Variants in PDE7B observed in about 807,000 individuals in gnomAD.
The protein encoded by PDE7B is 3',5'-cyclic-AMP phosphodiesterase 7B.
A neutral mutation model predicts 56.2 loss-of-function variants in PDE7B; 29 were observed. That is an observed-to-expected ratio of 0.52 (90% CI 0.38 to 0.70). PDE7B has a LOEUF of 0.70. Ranked by LOEUF, PDE7B falls within the 30% of genes least tolerant of loss-of-function variation. PDE7B has a pLI of 0.00. For missense variants in PDE7B, 490 were observed against 565.0 expected, an observed-to-expected ratio of 0.87 and a Z score of 1.35; for synonymous variants, 197 against 196.9, an observed-to-expected ratio of 1.00 and a Z score of 0.00.
chr6:135,871,719 AT>A (rs1335503388), intron 1 of PDE7B, among the ~76,000 whole-genome samples: 2 of 152,116 alleles, frequency 1.3e-5, no homozygotes, highest in African/African-American at 2.4e-5. Context: ...GTTTTCTTTC[AT>A]TTTATATTGG....
intron 3 of PDE7B, among the ~76,000 whole-genome samples, chr6:136,135,429 A>C (rs932001651): frequency 6.6e-6 from 1 of 152,040 alleles, no homozygotes; most frequent in African/African-American, 2.4e-5. Flanking sequence ...AAATGTTAAG[A>C]AATTTGTTTT....
At chr6:136,071,816 A>T (rs564910236) in intron 2 of PDE7B, among the ~76,000 whole-genome samples, 2 of 152,340 alleles carry the variant, frequency 1.3e-5, no homozygotes, top group South Asian at 4.1e-4. Flanking sequence ...TGAGTGCAGC[A>T]TTCTAATGTT....
chr6:136,145,592 A>G lies in PDE7B; in HGVS notation c.167-1759A>G, dbSNP rs548462710. 4.6e-5 allele frequency among the ~76,000 whole-genome samples: 7 copies of G among 152,306 alleles called. No homozygotes were observed. The East Asian group carries it at 1.3e-3, about 29-fold the overall frequency. On this transcript the variant is annotated intron_variant, in intron 3 of 12. Coordinates refer to ENST00000308191, the MANE Select transcript of PDE7B (RefSeq NM_018945.4). ...TACAATGTGCTCAAGTACTGTGAAT[A>G]GTTCATGGCCAACTCTCAGTCTTCA...
At chr6:136,045,102 TTCTA>T (rs1161311089) in intron 2 of PDE7B, among the ~76,000 whole-genome samples, 8 of 152,238 alleles carry the variant, frequency 5.3e-5, no homozygotes, top group African/African-American at 1.4e-4. Flanking sequence ...GTGTACTGTC[TTCTA>T]TCTGATTTTT....
At chr6:135,903,282 T>C (rs1107667) in intron 1 of PDE7B, among the ~76,000 whole-genome samples, 6,568 of 152,288 alleles carry the variant, frequency 0.043, 517 homozygotes, top group East Asian at 0.35. Context: ...TGGCATTTTA[T>C]GGATGAAGAA....
At chr6:135,985,023 G>T (rs1775353226) in intron 2 of PDE7B, among the ~76,000 whole-genome samples, 1 of 152,100 alleles carries the variant, frequency 6.6e-6, no homozygotes, top group South Asian at 2.1e-4. Context: ...AGAACTGTTG[G>T]CATACCCTCA....
At chr6:136,017,452 A>G (rs976178871) in intron 2 of PDE7B, among the ~76,000 whole-genome samples, 11 of 151,362 alleles carry the variant, frequency 7.3e-5, no homozygotes, top group Non-Finnish European at 1.3e-4. Context: ...TTAACTCGTC[A>G]TTTACATTAG....
At chr6:136,017,929 C>G (rs1296144525) in intron 2 of PDE7B, among the ~76,000 whole-genome samples, 1 of 152,068 alleles carries the variant, frequency 6.6e-6, no homozygotes, top group East Asian at 1.9e-4. Flanking sequence ...CTAAGCATTC[C>G]TACATGAAGC....
chr6:136,011,342 G>A (rs1175715964), intron 2 of PDE7B, among the ~76,000 whole-genome samples: 3 of 152,126 alleles, frequency 2.0e-5, no homozygotes, highest in Non-Finnish European at 2.9e-5. Flanking sequence ...AATATAAAAC[G>A]TGGAGCATCT....
intron 2 of PDE7B, among the ~76,000 whole-genome samples, chr6:136,003,399 T>C (rs1583822208): frequency 6.6e-6 from 1 of 151,970 alleles, no homozygotes; most frequent in Non-Finnish European, 1.5e-5. Flanking sequence ...TTCAAAAAAT[T>C]AATGAATCCA....
chr6:135,976,564 A>T (rs1020455250), intron 2 of PDE7B, among the ~76,000 whole-genome samples: 1 of 152,172 alleles, frequency 6.6e-6, no homozygotes, highest in African/African-American at 2.4e-5. Flanking sequence ...TTCATTTGTT[A>T]TACCTCTCTC....
intron 2 of PDE7B, chr6:135,992,916 G>T (rs146081227): frequency 2.0e-5 from 3 of 152,344 alleles, no homozygotes; most frequent in African/African-American, 7.2e-5. Flanking sequence ...GCCCTGTGAA[G>T]TAAGTGTAGG....
At chr6:136,154,304 G>T in intron 7 of PDE7B, 129 bp downstream of exon 7, 1 of 535,908 alleles carries the variant, frequency 1.9e-6, no homozygotes, top group East Asian at 3.0e-5. Flanking sequence ...ACAAATTATT[G>T]ATATTAAGGT....
intron 2 of PDE7B, among the ~76,000 whole-genome samples, chr6:136,037,125 T>C (rs1008194012): frequency 2.0e-5 from 3 of 152,208 alleles, no homozygotes; most frequent in Non-Finnish European, 2.9e-5. Context: ...AAATCAACAG[T>C]GCTCTCCCTC....
intron 2 of PDE7B, among the ~76,000 whole-genome samples, chr6:136,055,275 C>T (rs1052930841): frequency 1.3e-5 from 2 of 152,194 alleles, no homozygotes; most frequent in Non-Finnish European, 2.9e-5. Context: ...GTGAGAAGGG[C>T]AGGGAGATGA....
chr6:135,892,576 A>T (rs934747044), intron 1 of PDE7B, among the ~76,000 whole-genome samples: 2 of 152,162 alleles, frequency 1.3e-5, no homozygotes, highest in African/African-American at 4.8e-5. Context: ...CCATCAGTAC[A>T]TACATAGTAT....
intron 1 of PDE7B, among the ~76,000 whole-genome samples, chr6:135,868,761 T>A (rs1462306985): frequency 6.6e-6 from 1 of 152,192 alleles, no homozygotes; most frequent in South Asian, 2.1e-4. Context: ...ATGAACACAG[T>A]TCTGATGGTG....
intron 4 of PDE7B, among the ~76,000 whole-genome samples, chr6:136,148,721 G>A (rs1356072735): frequency 6.6e-6 from 1 of 152,144 alleles, no homozygotes; most frequent in Non-Finnish European, 1.5e-5. Context: ...TCTCCTCTAA[G>A]CAGCCACCTC....
chr6:135,857,638 A>C (rs545952931), intron 1 of PDE7B, among the ~76,000 whole-genome samples: 1 of 152,342 alleles, frequency 6.6e-6, no homozygotes, highest in South Asian at 2.1e-4. Flanking sequence ...GTCTAAGAAC[A>C]TATAGAATTG....
Sources: gnomAD v4.1 joint callset for allele counts (sites outside exome capture counted in the v4.1 genomes callset) on GRCh38, gnomAD v4.1.1 for gene constraint, MANE v1.5 for transcripts, NCBI Gene and HGNC (gene_info 2026-07-23, HGNC 2026-07-21) for gene names.